The following TRDMT1 variants were observed in gnomAD, a reference collection of about 807,000 sequenced individuals.
TRDMT1 encodes the protein tRNA (cytosine(38)-C(5))-methyltransferase.
A neutral mutation model predicts 51.2 loss-of-function variants in TRDMT1; 49 were observed. The ratio of observed to expected loss-of-function variants is 0.96; its 90% CI spans 0.76 to 1.21. The LOEUF (loss-of-function observed/expected upper bound fraction) is 1.21. Among genes scored for constraint, TRDMT1 ranks in the 50% most tolerant of loss-of-function variants. The pLI is 0.00. For synonymous variants in TRDMT1, 187 were observed against 164.6 expected, an observed-to-expected ratio of 1.14 and a Z score of -1.04; for missense variants, 534 against 462.3, an observed-to-expected ratio of 1.16 and a Z score of -1.42.
intron 1 of TRDMT1, among the ~76,000 whole-genome samples, chr10:17,182,503 C>CTA (rs1843392738): frequency 2.0e-5 from 3 of 152,152 alleles, no homozygotes; most frequent in Non-Finnish European, 4.4e-5. Context: ...GCAAACAGAG[C>CTA]AATATGAATG....
intron 10 of TRDMT1, among the ~76,000 whole-genome samples, chr10:17,152,704 G>A (rs1419198438): frequency 5.3e-5 from 8 of 152,128 alleles, no homozygotes; most frequent in Non-Finnish European, 5.9e-5. Flanking sequence ...CACTGGCCCC[G>A]GTAGTGGGAT....
chr10:17,147,277 G>A lies in TRDMT1; in HGVS notation c.*1763C>T. On this transcript the variant is annotated 3_prime_UTR_variant, in exon 11 of 11. Transcript: ENST00000377799. ...TAATAGGCTCTGTCTGAACACATATGAAAAATGTAGATAGTGATAGTTTCT... is the reference window on the plus strand; with the variant it reads ...TAATAGGCTCTGTCTGAACACATATAAAAAATGTAGATAGTGATAGTTTCT... 1.0e-6 allele frequency: 1 copy of A among 985,618 alleles called. No individual in the cohort carries two copies. Among genetic ancestry groups the A allele is most frequent in the South Asian group, 4.7e-5 (1 of 21,284 alleles). The allele number at this position is 985,618 out of a possible 1,614,324, so 61.1% of individuals were successfully genotyped here. A position where few individuals can be genotyped will look rare whatever the true frequency, so the allele number is the denominator to read the frequency against.
At chr10:17,200,706 A>C (rs945678330) in intron 1 of TRDMT1, 3 of 155,082 alleles carry the variant, frequency 1.9e-5, no homozygotes, top group African/African-American at 7.2e-5. Flanking sequence ...ATATCACCAA[A>C]AGTAAAACTT....
At chr10:17,166,340 ACGGGGAACATCACACAC>A (rs1841204439) in intron 3 of TRDMT1, among the ~76,000 whole-genome samples, 1 of 126,604 alleles carries the variant, frequency 7.9e-6, no homozygotes, top group East Asian at 2.8e-4. Flanking sequence ...TGGACACAGG[ACGGGGAACATCACACAC>A]CGGGGCCTGT....
chr10:17,178,036 G>A (rs1255943592), intron 1 of TRDMT1, among the ~76,000 whole-genome samples: 1 of 152,118 alleles, frequency 6.6e-6, no homozygotes, highest in African/African-American at 2.4e-5. Context: ...CCTTGAGAAA[G>A]AAAATTAAGG....
In TRDMT1 at chr10:17,147,160, C is replaced by T. The variant is rs1838190645; in HGVS notation, c.*1880G>A. ...TCATAGTTACAGTAAAACTCTAAACCATTTTATTTAGAATATTTCAGCAGT... is the reference window on the plus strand; with the variant it reads ...TCATAGTTACAGTAAAACTCTAAACTATTTTATTTAGAATATTTCAGCAGT... On this transcript the variant is annotated 3_prime_UTR_variant, in exon 11 of 11. Coordinates refer to ENST00000377799, the MANE Select transcript of TRDMT1 (RefSeq NM_004412.7). 1.0e-6 allele frequency: 1 copy of T among 985,446 alleles called. No homozygotes were observed. The highest frequency in any genetic ancestry group is 1.2e-6 in the Non-Finnish European group (1 of 829,630). The allele number at this position is 985,446 out of a possible 1,614,324, so 61.0% of individuals were successfully genotyped here.
chr10:17,175,863 T>C (rs1172187534), intron 1 of TRDMT1, among the ~76,000 whole-genome samples: 2 of 152,092 alleles, frequency 1.3e-5, no homozygotes. Context: ...TCTCCAAGGA[T>C]TGATACTAAA....
intron 1 of TRDMT1, among the ~76,000 whole-genome samples, chr10:17,191,400 C>G (rs1210157740): frequency 1.3e-5 from 2 of 152,198 alleles, no homozygotes; most frequent in African/African-American, 2.4e-5. Context: ...AATGCTTTGT[C>G]CAGGGTCCCA....
rs554790768 is a variant in TRDMT1, at chr10:17,146,478, T to G, written c.*2562A>C. On this transcript the variant is annotated 3_prime_UTR_variant, in exon 11 of 11. Transcript: ENST00000377799. ...CCTCTTCGAAATCATTTTCCAACTA[T>G]GACTCATTTTGTTTACATTAATTGA... 1.0e-6 allele frequency: 1 copy of G among 985,276 alleles called. No homozygotes were observed. The highest frequency in any genetic ancestry group is 1.2e-6 in the Non-Finnish European group (1 of 829,900). The allele number at this position is 985,276 out of a possible 1,614,324, so 61.0% of individuals were successfully genotyped here.
At chr10:17,170,756 G>C (rs187120057) in intron 2 of TRDMT1, among the ~76,000 whole-genome samples, 3 of 151,948 alleles carry the variant, frequency 2.0e-5, no homozygotes, top group African/African-American at 7.3e-5. Context: ...TAGATTTCTT[G>C]TTATACAGAT....
chr10:17,164,969 C>T (rs866498911), intron 3 of TRDMT1, among the ~76,000 whole-genome samples: 26 of 152,180 alleles, frequency 1.7e-4, no homozygotes, highest in Middle Eastern at 3.4e-3. Context: ...GATTCAATGC[C>T]ATCCCCATCA....
At position 17,137,403 on chromosome 10, in the gene TRDMT1, G is replaced by C. The variant is rs1837445226; in HGVS notation, c.*11637C>G. On this transcript the variant is annotated 3_prime_UTR_variant, in exon 11 of 11. Coordinates refer to ENST00000377799, the MANE Select transcript of TRDMT1 (RefSeq NM_004412.7). ...AATAAAGTCGTAATGTACAAATCTG[G>C]AGAGCCAGAGTTAGGCAACATTACA... 1 of 152,210 alleles carries C rather than the reference G, an allele frequency of 6.6e-6. No individual in the cohort carries two copies. The highest frequency in any genetic ancestry group is 2.4e-5 in the African/African-American group (1 of 41,438). The allele number at this position is 152,210 out of a possible 1,614,324, so 9.4% of individuals were successfully genotyped here.
In TRDMT1 at chr10:17,167,706, T is replaced by C. The variant is rs145745730; in HGVS notation, c.251+1135A>G. Among the ~76,000 whole-genome samples, 785 of 152,336 alleles carry C rather than the reference T, an allele frequency of 5.2e-3. 6 individuals carry two copies. The highest frequency in any genetic ancestry group is 0.018 in the African/African-American group (731 of 41,580). On this transcript the variant is annotated intron_variant, in intron 3 of 10. Coordinates refer to ENST00000377799, the MANE Select transcript of TRDMT1 (RefSeq NM_004412.7). ...AAAAGTCAGAATTATTCAATGTACA[T>C]ATGAATTTTAAGAAATGTAAAGTTC...
chr10:17,175,931 G>A (rs1045190071), intron 1 of TRDMT1, among the ~76,000 whole-genome samples: 13 of 152,154 alleles, frequency 8.5e-5, no homozygotes, highest in African/African-American at 1.7e-4. Flanking sequence ...GATCCCCTGC[G>A]TGCTGCAAAC....
rs766340350 is a variant in TRDMT1 at position 17,201,551 on chromosome 10, G to T, written c.64+20C>A. The T allele has an allele frequency of 4.4e-5, 68 of 1,545,206 alleles. No homozygotes were observed. The highest frequency in any genetic ancestry group is 5.2e-5 in the Non-Finnish European group (60 of 1,144,038). ...GCCCCCGTGAGCGAATAGAGAGAGG[G>T]GTGCTAGATGGACTCTCACCTCTCA... On this transcript the variant is annotated intron_variant, in intron 1 of 10. Transcript: ENST00000377799.
intron 10 of TRDMT1, chr10:17,151,344 C>A: frequency 1.0e-6 from 1 of 985,304 alleles, no homozygotes; most frequent in East Asian, 1.1e-4. Context: ...AGCTTTCACC[C>A]GTAAGGACAG....
At chr10:17,164,318 AC>A (rs1181902371) in intron 3 of TRDMT1, among the ~76,000 whole-genome samples, 1 of 152,062 alleles carries the variant, frequency 6.6e-6, no homozygotes, top group Non-Finnish European at 1.5e-5. Flanking sequence ...AAACTCAACA[AC>A]CCTTCATGCT....
At chr10:17,164,843 C>A (rs576472638) in intron 3 of TRDMT1, among the ~76,000 whole-genome samples, 67 of 152,264 alleles carry the variant, frequency 4.4e-4, no homozygotes, top group African/African-American at 1.6e-3. Flanking sequence ...AGAAGATCTA[C>A]CAATCACTGC....
intron 10 of TRDMT1, 34 bp downstream of exon 10, chr10:17,153,473 C>T: frequency 6.2e-7 from 1 of 1,608,902 alleles, no homozygotes; most frequent in Non-Finnish European, 8.5e-7. Flanking sequence ...AGTTTTAATA[C>T]ATGAAAGCTG....
Sources: gnomAD v4.1 joint callset for allele counts (sites outside exome capture counted in the v4.1 genomes callset) on GRCh38, gnomAD v4.1.1 for gene constraint, MANE v1.5 for transcripts, NCBI Gene and HGNC (gene_info 2026-07-23, HGNC 2026-07-21) for gene names.